The following DCC variants were observed in gnomAD, a reference collection of about 807,000 sequenced individuals.
The protein encoded by DCC is netrin receptor DCC.
In DCC, 58 loss-of-function variants were observed where a neutral mutation model predicts 172.5. The ratio of observed to expected loss-of-function variants is 0.34; its 90% confidence interval spans 0.27 to 0.42. The LOEUF (loss-of-function observed/expected upper bound fraction) is 0.42. Ranked by LOEUF, DCC falls within the 10% of genes least tolerant of loss-of-function variation. DCC has a pLI of 1.00. For synonymous variants in DCC, 709 were observed against 644.5 expected (o/e 1.10, Z -1.52); for missense variants, 1,740 against 1,791.0 (o/e 0.97, Z 0.51).
chr18:53,005,923 T>C (rs563602959), intron 5 of DCC, among the ~76,000 whole-genome samples: 2 of 152,268 alleles, frequency 1.3e-5, no homozygotes, highest in East Asian at 3.9e-4. Context: ...TGTTGGAACA[T>C]GGGTTGGAAG....
At chr18:52,358,881 G>T (rs142224840) in intron 1 of DCC, among the ~76,000 whole-genome samples, 2 of 152,152 alleles carry the variant, frequency 1.3e-5, no homozygotes, top group Admixed American at 6.5e-5. Flanking sequence ...GCTTTAGAAC[G>T]TTTCCAGTGC....
chr18:52,817,803 A>ATATATGTGTGTG (rs375371359), intron 2 of DCC, among the ~76,000 whole-genome samples: 3 of 151,428 alleles, frequency 2.0e-5, no homozygotes, highest in African/African-American at 7.3e-5. Flanking sequence ...ATATATATAT[A>ATATATGTGTGTG]TGTGTGTGTG....
intron 27 of DCC, among the ~76,000 whole-genome samples, chr18:53,521,123 T>G (rs1026829824): frequency 3.9e-5 from 6 of 152,122 alleles, no homozygotes; most frequent in Non-Finnish European, 8.8e-5. Flanking sequence ...TGAATATTAC[T>G]TGAGAAAAGG....
chr18:52,908,894 A>G (rs2032254), intron 3 of DCC, among the ~76,000 whole-genome samples: 59,171 of 151,658 alleles, frequency 0.39, 12,105 homozygotes, highest in Non-Finnish European at 0.47. Context: ...AAGATAGTAC[A>G]TGCACGTGTG....
chr18:52,540,431 A>G (rs1328077051), intron 1 of DCC, among the ~76,000 whole-genome samples: 1 of 152,068 alleles, frequency 6.6e-6, no homozygotes, highest in Non-Finnish European at 1.5e-5. Context: ...TGACTCAAAA[A>G]AAAACCATAT....
chr18:52,611,909 G>A (rs537038770), intron 1 of DCC, among the ~76,000 whole-genome samples: 2 of 152,282 alleles, frequency 1.3e-5, no homozygotes, highest in Non-Finnish European at 2.9e-5. Context: ...TTACATATGT[G>A]ATTTAGAAAC....
intron 2 of DCC, among the ~76,000 whole-genome samples, chr18:52,823,107 A>G (rs144495736): frequency 1.3e-3 from 198 of 152,298 alleles, no homozygotes; most frequent in African/African-American, 4.1e-3. Context: ...CCAACAGGCA[A>G]TACCTCTGAG....
chr18:53,452,389 G>A (rs1028457801), intron 23 of DCC, among the ~76,000 whole-genome samples: 10 of 151,938 alleles, frequency 6.6e-5, no homozygotes, highest in South Asian at 4.2e-4. Flanking sequence ...GTTCCCCCCC[G>A]CCCCGTGTCA....
intron 1 of DCC, among the ~76,000 whole-genome samples, chr18:52,526,401 G>A (rs1271537541): frequency 6.6e-6 from 1 of 151,992 alleles, no homozygotes; most frequent in Non-Finnish European, 1.5e-5. Flanking sequence ...GCAATCAAAG[G>A]CAAGGTCTTC....
At chr18:53,283,775 A>G (rs2056901018) in intron 12 of DCC, among the ~76,000 whole-genome samples, 1 of 152,218 alleles carries the variant, frequency 6.6e-6, no homozygotes, top group African/African-American at 2.4e-5. Flanking sequence ...AACATGTGTC[A>G]TGATTATCAC....
At chr18:52,448,785 C>A (rs1988210221) in intron 1 of DCC, among the ~76,000 whole-genome samples, 1 of 152,174 alleles carries the variant, frequency 6.6e-6, no homozygotes, top group Non-Finnish European at 1.5e-5. Flanking sequence ...TGTACTTTTA[C>A]CTTCCCAGCT....
At chr18:53,066,830 T>C (rs2042577740) in intron 7 of DCC, among the ~76,000 whole-genome samples, 1 of 152,078 alleles carries the variant, frequency 6.6e-6, no homozygotes, top group African/African-American at 2.4e-5. Flanking sequence ...GGAAGCATGA[T>C]GCTGGCCATC....
At chr18:52,727,090 A>G (rs1459080896) in intron 1 of DCC, among the ~76,000 whole-genome samples, 2 of 152,212 alleles carry the variant, frequency 1.3e-5, no homozygotes, top group Non-Finnish European at 2.9e-5. Flanking sequence ...TGCTGGAGTC[A>G]GTAGATAGAT....
Position 53,157,483 on chromosome 18 carries a change from G to A in DCC, c.1389G>A (p.Thr463=), listed in dbSNP as rs764567639. The change falls in exon 8 of 29, where the codon ACG becomes ACA. Residue 463 remains threonine (T), a synonymous_variant. Transcript: ENST00000442544. The stretch of plus-strand genomic sequence containing the variant: ...CGAAAGGGAACATTCAAACTTTCAC[G>A]GTCTTTTTCTCCAGAGAAGGTGACA... ...AEAKGNIQTF[T]VFFSREGDNR... The A allele has an allele frequency of 2.4e-5, 39 of 1,613,874 alleles. No homozygotes were observed. Among genetic ancestry groups the A allele is most frequent in the Admixed American group, 8.3e-5 (5 of 59,990 alleles).
chr18:53,310,336 A>G (rs890025414), intron 13 of DCC, among the ~76,000 whole-genome samples: 3 of 152,188 alleles, frequency 2.0e-5, no homozygotes, highest in African/African-American at 7.2e-5. Context: ...TAATGCCTAT[A>G]AGATACATGG....
At chr18:53,391,319 T>A (rs1239664612) in intron 16 of DCC, among the ~76,000 whole-genome samples, 2 of 152,158 alleles carry the variant, frequency 1.3e-5, no homozygotes, top group African/African-American at 4.8e-5. Context: ...AACTGATCGA[T>A]CCTGTAACTA....
intron 9 of DCC, among the ~76,000 whole-genome samples, chr18:53,185,919 T>G (rs988623681): frequency 2.0e-5 from 3 of 152,228 alleles, no homozygotes; most frequent in African/African-American, 7.2e-5. Flanking sequence ...CCTGAAGATA[T>G]GCTGTTTATT....
chr18:53,090,054 A>G (rs2042980094), intron 7 of DCC, among the ~76,000 whole-genome samples: 2 of 152,112 alleles, frequency 1.3e-5, no homozygotes, highest in African/African-American at 2.4e-5. Context: ...TTTTGTCCTC[A>G]AGTTCATGTT....
chr18:52,914,035 AAAC>A (rs796998576), intron 3 of DCC, among the ~76,000 whole-genome samples: 16 of 152,236 alleles, frequency 1.1e-4, no homozygotes, highest in African/African-American at 3.8e-4. Flanking sequence ...GTTCATTATC[AAAC>A]AACAAGAGCC....
Sources: allele counts gnomAD v4.1 joint callset (sites outside exome capture counted in the v4.1 genomes callset), GRCh38; gene constraint gnomAD v4.1.1; transcripts MANE v1.5; gene names NCBI Gene and HGNC (gene_info 2026-07-23, HGNC 2026-07-21).